The following RIT2 variants were observed in gnomAD, a reference collection of about 807,000 sequenced individuals.
RIT2 encodes Ras like without CAAX 2.
In RIT2, 24 loss-of-function variants were observed where a neutral mutation model predicts 23.7. The ratio of observed to expected loss-of-function variants is 1.01; its 90% CI spans 0.73 to 1.43. The LOEUF (loss-of-function observed/expected upper bound fraction) is 1.43, where lower values mean the gene tolerates loss of function less well. Ranked by LOEUF, RIT2 falls within the 40% of genes most tolerant of loss-of-function variation. The pLI is 0.00. For synonymous variants in RIT2, 107 were observed against 91.1 expected, an observed-to-expected ratio of 1.17 and a Z score of -0.99; for missense variants, 236 against 266.9, an observed-to-expected ratio of 0.88 and a Z score of 0.81.
intron 4 of RIT2, among the ~76,000 whole-genome samples, chr18:42,806,378 A>G (rs1164543374): frequency 1.3e-5 from 2 of 152,010 alleles, no homozygotes; most frequent in Non-Finnish European, 2.9e-5. Flanking sequence ...ATGAGGCAGG[A>G]GAATCACTTG....
rs550626416 is a variant in RIT2, at chr18:43,041,524, A to G, written c.104-7657T>C. Among the ~76,000 whole-genome samples the G allele has an allele frequency of 5.9e-5, 9 of 152,264 alleles. No homozygotes were observed. In the East Asian group the frequency reaches 1.5e-3, roughly 26 times the overall value. ...TCATTAACATATGTTATGTAAATGT[A>G]GTGTTTCCAAGGACTTTATAAAATA... On this transcript the variant is annotated intron_variant, in intron 1 of 4. Transcript: ENST00000326695.
At chr18:43,052,607 T>C (rs1048652840) in intron 1 of RIT2, among the ~76,000 whole-genome samples, 1 of 152,046 alleles carries the variant, frequency 6.6e-6, no homozygotes, top group African/African-American at 2.4e-5. Flanking sequence ...GGCTGGTGAT[T>C]TATCAAACTG....
intron 4 of RIT2, among the ~76,000 whole-genome samples, chr18:42,804,190 A>C (rs1905613685): frequency 6.6e-6 from 1 of 152,202 alleles, no homozygotes; most frequent in Non-Finnish European, 1.5e-5. Context: ...AGGATAACAA[A>C]ATACAGATCA....
intron 3 of RIT2, among the ~76,000 whole-genome samples, chr18:42,947,913 C>A (rs1909764342): frequency 6.6e-6 from 1 of 151,934 alleles, no homozygotes; most frequent in Admixed American, 6.6e-5. Flanking sequence ...TATATTTTAT[C>A]CTTTACCTAA....
intron 4 of RIT2, among the ~76,000 whole-genome samples, chr18:42,784,160 C>T (rs1407221779): frequency 6.6e-6 from 1 of 151,870 alleles, no homozygotes; most frequent in Non-Finnish European, 1.5e-5. Flanking sequence ...TTGCCCATCT[C>T]CCTTTTGCAT....
chr18:42,818,098 A>C (rs1445637121), intron 4 of RIT2, among the ~76,000 whole-genome samples: 1 of 152,068 alleles, frequency 6.6e-6, no homozygotes, highest in Non-Finnish European at 1.5e-5. Context: ...GTCTACTAAT[A>C]AAACATCTAC....
chr18:42,958,363 C>T (rs896860754), intron 3 of RIT2, among the ~76,000 whole-genome samples: 1 of 152,272 alleles, frequency 6.6e-6, no homozygotes, highest in African/African-American at 2.4e-5. Context: ...GGTGCCTACA[C>T]ATGCATTCAG....
intron 4 of RIT2, among the ~76,000 whole-genome samples, chr18:42,889,987 TCCTCCAAATGTTCAG>T (rs1344148315): frequency 6.6e-6 from 1 of 152,068 alleles, no homozygotes; most frequent in African/African-American, 2.4e-5. Context: ...CCTTCCCATC[TCCTCCAAATGTTCAG>T]CCTCTGAGTG....
chr18:42,945,320 T>A (rs1909702153), intron 3 of RIT2, among the ~76,000 whole-genome samples: 1 of 152,080 alleles, frequency 6.6e-6, no homozygotes, highest in Non-Finnish European at 1.5e-5. Flanking sequence ...TCTACAAATA[T>A]GCATAATCAA....
chr18:43,094,714 T>C (rs1005445797), intron 1 of RIT2, among the ~76,000 whole-genome samples: 1 of 152,080 alleles, frequency 6.6e-6, no homozygotes, highest in African/African-American at 2.4e-5. Flanking sequence ...TAAACTGTTG[T>C]TTCCATCCAT....
intron 4 of RIT2, among the ~76,000 whole-genome samples, chr18:42,846,430 A>G (rs1213250980): frequency 2.0e-5 from 3 of 152,158 alleles, no homozygotes; most frequent in East Asian, 1.9e-4. Flanking sequence ...ATAAACTTAC[A>G]TAAATTATTC....
chr18:42,863,571 C>G (rs1907387257), intron 4 of RIT2, among the ~76,000 whole-genome samples: 1 of 152,090 alleles, frequency 6.6e-6, no homozygotes, highest in Non-Finnish European at 1.5e-5. Flanking sequence ...TATTGAACCT[C>G]TTATAAGCAG....
chr18:43,005,245 A>T (rs1911199598), intron 2 of RIT2, among the ~76,000 whole-genome samples: 1 of 151,894 alleles, frequency 6.6e-6, no homozygotes, highest in South Asian at 2.1e-4. Context: ...TTTCAAAGGA[A>T]ATATTGTAAA....
intron 3 of RIT2, among the ~76,000 whole-genome samples, chr18:42,956,698 G>C (rs886992778): frequency 6.6e-6 from 1 of 152,096 alleles, no homozygotes; most frequent in Non-Finnish European, 1.5e-5. Context: ...CTTGCACATG[G>C]TGTTGTCTCG....
chr18:43,004,977 C>T (rs978666998), intron 2 of RIT2, among the ~76,000 whole-genome samples: 1 of 151,692 alleles, frequency 6.6e-6, no homozygotes, highest in Middle Eastern at 3.2e-3. Flanking sequence ...AATAATTGTG[C>T]CAGAATCTGG....
intron 4 of RIT2, among the ~76,000 whole-genome samples, chr18:42,814,094 ATT>A (rs1905926398): frequency 6.6e-6 from 1 of 152,142 alleles, no homozygotes; most frequent in African/African-American, 2.4e-5. Context: ...CTAGCAAACC[ATT>A]TCTGCCTGGC....
At chr18:43,042,823 T>C (rs1267296129) in intron 1 of RIT2, among the ~76,000 whole-genome samples, 1 of 152,154 alleles carries the variant, frequency 6.6e-6, no homozygotes, top group Non-Finnish European at 1.5e-5. Flanking sequence ...TAATAGTATG[T>C]TTAATGGTGA....
At chr18:42,961,061 C>T (rs1005970183) in intron 3 of RIT2, among the ~76,000 whole-genome samples, 8 of 152,104 alleles carry the variant, frequency 5.3e-5, no homozygotes, top group African/African-American at 1.9e-4. Context: ...CATTTCAAAA[C>T]TATTATATCT....
intron 2 of RIT2, among the ~76,000 whole-genome samples, chr18:42,994,359 GACTGATCTCTCAAACGTCA>G (rs1910928093): frequency 1.3e-5 from 2 of 152,060 alleles, no homozygotes; most frequent in African/African-American, 4.8e-5. Flanking sequence ...GATCGTGTCC[GACTGATCTCTCAAACGTCA>G]ACCCCTTCTA....
Sources: allele counts gnomAD v4.1 joint callset (sites outside exome capture counted in the v4.1 genomes callset), GRCh38; gene constraint gnomAD v4.1.1; transcripts MANE v1.5; gene names NCBI Gene and HGNC (gene_info 2026-07-23, HGNC 2026-07-21).